Variants in MRTFA observed in about 807,000 individuals in gnomAD.
MRTFA encodes the protein myocardin-related transcription factor A.
In MRTFA, 20 loss-of-function variants were observed where a neutral mutation model predicts 83.5. The ratio of observed to expected loss-of-function variants is 0.24; its 90% CI spans 0.17 to 0.35. The LOEUF (loss-of-function observed/expected upper bound fraction) is 0.35, where lower values mean the gene tolerates loss of function less well. MRTFA is among the 10% of genes least tolerant of loss of function. The pLI, the probability that MRTFA is intolerant of heterozygous loss-of-function variation, is 1.00. For synonymous variants in MRTFA, 659 were observed against 541.2 expected (o/e 1.22, Z -3.02); for missense variants, 1,200 against 1,224.7 (o/e 0.98, Z 0.30).
intron 3 of MRTFA, among the ~76,000 whole-genome samples, chr22:40,500,843 T>C (rs1464295966): frequency 1.3e-5 from 2 of 151,706 alleles, no homozygotes; most frequent in African/African-American, 4.9e-5. Context: ...TTTCCCCACC[T>C]TTCCAGCCTT....
At chr22:40,477,325 G>A (rs2054015266) in intron 3 of MRTFA, among the ~76,000 whole-genome samples, 1 of 151,880 alleles carries the variant, frequency 6.6e-6, no homozygotes, top group Admixed American at 6.6e-5. Flanking sequence ...CCTCCAGCCT[G>A]GGTGACAGAG....
At chr22:40,607,831 A>G (rs192671620) in intron 1 of MRTFA, among the ~76,000 whole-genome samples, 155 of 152,356 alleles carry the variant, frequency 1.0e-3, no homozygotes, top group African/African-American at 3.7e-3. Flanking sequence ...AACTTTTGAA[A>G]TGGAATGATT....
chr22:40,548,832 C>T (rs1421221894), intron 3 of MRTFA, among the ~76,000 whole-genome samples: 1 of 151,904 alleles, frequency 6.6e-6, no homozygotes, highest in Non-Finnish European at 1.5e-5. Flanking sequence ...CCACTGCACT[C>T]CAGCCTGGCA....
chr22:40,435,389 G>A, intron 5 of MRTFA, 110 bp downstream of exon 5: 5 of 1,184,938 alleles, frequency 4.2e-6, no homozygotes, highest in Non-Finnish European at 5.1e-6. Flanking sequence ...AGTCTAGCAG[G>A]CTCTGGCCTC....
chr22:40,485,127 A>G (rs1293551873), intron 3 of MRTFA, among the ~76,000 whole-genome samples: 1 of 152,046 alleles, frequency 6.6e-6, no homozygotes, highest in Non-Finnish European at 1.5e-5. Context: ...CCTCCATACC[A>G]CATACCTCAA....
intron 2 of MRTFA, among the ~76,000 whole-genome samples, chr22:40,563,135 C>A (rs996624397): frequency 1.3e-5 from 2 of 152,124 alleles, no homozygotes; most frequent in African/African-American, 4.8e-5. Flanking sequence ...TCATTTCTCA[C>A]CATTCCCCTT....
chr22:40,552,115 GCTCA>G lies in MRTFA; in HGVS notation c.228_231del (p.Glu77GlyfsTer7). On this transcript the variant is annotated frameshift_variant, in exon 3 of 15. Coordinates refer to ENST00000355630, the MANE Select transcript of MRTFA (RefSeq NM_020831.6). LOFTEE classifies it high-confidence loss of function. ...TTCTGTATCTACTCACCATTCTTCCGCTCACTAAGTGGAGGCAAATTGGGATTCC... is the reference window on the plus strand; with the variant it reads ...TTCTGTATCTACTCACCATTCTTCCGCTAAGTGGAGGCAAATTGGGATTCC... 2.5e-6 allele frequency: 1 copy of G among 398,732 alleles called. No individual in the cohort carries two copies. The highest frequency in any genetic ancestry group is 4.4e-6 in the Non-Finnish European group (1 of 225,950). The allele number at this position is 398,732 out of a possible 1,614,324, so 24.7% of individuals were successfully genotyped here. A position where few individuals can be genotyped will look rare whatever the true frequency, so the allele number is the denominator to read the frequency against.
Position 40,411,958 on chromosome 22 carries a change from T to TC in MRTFA, c.2579-52dup, listed in dbSNP as rs570681428. 1.5e-4 allele frequency: 206 copies of TC among 1,395,664 alleles called. 1 individual carries two copies. In the African/African-American group the frequency reaches 2.7e-3, roughly 18 times the overall value. 86.5% of individuals were successfully genotyped at this position (1,395,664 alleles called of 1,614,324 possible). ...GGATATCAGAAGCCAAGCCTGTATA[T>TC]CTACATGCAAAAGAATGAAGGTGGA... On this transcript the variant is annotated intron_variant, in intron 14 of 14. Transcript: ENST00000355630.
chr22:40,490,327 G>A lies in MRTFA; in HGVS notation c.242-27041C>T, dbSNP rs377563381. 1.5e-3 allele frequency among the ~76,000 whole-genome samples: 232 copies of A among 152,260 alleles called. 7 individuals are homozygous for A. The South Asian group carries it at 0.039, about 26-fold the overall frequency. On this transcript the variant is annotated intron_variant, in intron 3 of 14. Coordinates refer to ENST00000355630, the MANE Select transcript of MRTFA (RefSeq NM_020831.6). ...TTCTTAAAACTATTCTCAGCTGGGCGCGATGGCTCACGCCTGTAATCCTAG... is the reference window on the plus strand; with the variant it reads ...TTCTTAAAACTATTCTCAGCTGGGCACGATGGCTCACGCCTGTAATCCTAG...
At chr22:40,603,942 C>T (rs1050302230) in intron 1 of MRTFA, among the ~76,000 whole-genome samples, 1 of 151,450 alleles carries the variant, frequency 6.6e-6, no homozygotes, top group Non-Finnish European at 1.5e-5. Flanking sequence ...GGGTGACAGG[C>T]CCATGGTGGT....
chr22:40,463,509 G>A, intron 3 of MRTFA: 1 of 479,534 alleles, frequency 2.1e-6, no homozygotes, highest in East Asian at 3.3e-5. Flanking sequence ...GGTCTTGCAG[G>A]GCGATAACAA....
At position 40,539,565 on chromosome 22, in the gene MRTFA, C is replaced by T. The variant is rs548458399; in HGVS notation, c.241+12541G>A. 8.3e-5 allele frequency among the ~76,000 whole-genome samples: 12 copies of T among 144,412 alleles called. No homozygotes were observed. In the East Asian group the frequency reaches 2.1e-3, roughly 25 times the overall value. The allele number at this position is 144,412 out of a possible 152,430, so 94.7% of individuals were successfully genotyped here. ...GTAGCCAGGCTGGAGTGCAGTGGCA[C>T]GATCTCGGCTCACTGCAACCTCCGC... On this transcript the variant is annotated intron_variant, in intron 3 of 14. Coordinates refer to ENST00000355630, the MANE Select transcript of MRTFA (RefSeq NM_020831.6).
chr22:40,455,969 C>T (rs1049619295), intron 4 of MRTFA, among the ~76,000 whole-genome samples: 2 of 152,100 alleles, frequency 1.3e-5, no homozygotes, highest in African/African-American at 4.8e-5. Flanking sequence ...CAGGCATGCA[C>T]CACCACGCCT....
At chr22:40,635,365 C>T (rs1173017987) in intron 1 of MRTFA, among the ~76,000 whole-genome samples, 2 of 152,048 alleles carry the variant, frequency 1.3e-5, no homozygotes, top group African/African-American at 2.4e-5. Flanking sequence ...TTACAGGCTT[C>T]GGCTTGATGT....
chr22:40,485,196 T>A (rs113167496), intron 3 of MRTFA, among the ~76,000 whole-genome samples: 24 of 152,296 alleles, frequency 1.6e-4, no homozygotes, highest in African/African-American at 5.3e-4. Flanking sequence ...AATGCTTATT[T>A]TAAAAATGTC....
intron 4 of MRTFA, among the ~76,000 whole-genome samples, chr22:40,455,663 A>G (rs1019775235): frequency 8.0e-6 from 1 of 124,356 alleles, no homozygotes; most frequent in Non-Finnish European, 1.8e-5. Context: ...AAAAAAAAAA[A>G]ACATATGGAG....
chr22:40,497,240 A>G (rs1203072697), intron 3 of MRTFA, among the ~76,000 whole-genome samples: 2 of 152,222 alleles, frequency 1.3e-5, no homozygotes, highest in South Asian at 2.1e-4. Context: ...CTGCACTGAA[A>G]TCTAAAATCA....
intron 3 of MRTFA, among the ~76,000 whole-genome samples, chr22:40,494,645 C>T (rs577903990): frequency 3.5e-4 from 53 of 151,552 alleles, no homozygotes; most frequent in African/African-American, 1.3e-3. Context: ...CATGCCACTG[C>T]ACTCCAGCCT....
At chr22:40,544,137 T>C (rs1384384039) in intron 3 of MRTFA, among the ~76,000 whole-genome samples, 1 of 152,206 alleles carries the variant, frequency 6.6e-6, no homozygotes, top group African/African-American at 2.4e-5. Flanking sequence ...TCTTACCTTA[T>C]TCCCATATGA....
Sources: allele counts gnomAD v4.1 joint callset (sites outside exome capture counted in the v4.1 genomes callset), GRCh38; gene constraint gnomAD v4.1.1; transcripts MANE v1.5; gene names NCBI Gene and HGNC (gene_info 2026-07-23, HGNC 2026-07-21).